Variants in ZSWIM6 observed in about 807,000 individuals in gnomAD.
ZSWIM6 encodes the protein zinc finger SWIM-type containing 6.
In ZSWIM6, 9 loss-of-function variants were observed where a neutral mutation model predicts 113.2. The ratio of observed to expected loss-of-function variants is 0.08; its 90% CI spans 0.05 to 0.14. The LOEUF is 0.14. Ranked by LOEUF, ZSWIM6 falls within the 10% of genes least tolerant of loss-of-function variation. The pLI, the probability that ZSWIM6 is intolerant of heterozygous loss-of-function variation, is 1.00. For synonymous variants in ZSWIM6, 611 were observed against 606.5 expected, an observed-to-expected ratio of 1.01 and a Z score of -0.11; for missense variants, 1,162 against 1,552.2, an observed-to-expected ratio of 0.75 and a Z score of 4.22.
Position 61,531,546 on chromosome 5 carries a change from C to T in ZSWIM6, c.2066C>T (p.Thr689Met), listed in dbSNP as rs191155035. 2.3e-5 allele frequency: 35 copies of T among 1,551,694 alleles called. No homozygotes were observed. The African/African-American group carries it at 2.7e-4, about 12-fold the overall frequency. Residue 689 changes from threonine (T) to methionine (M), a missense_variant, in exon 9 of 14, where the codon ACG (threonine) becomes ATG (methionine). Around this residue, in one of 4 missense-constraint regions of ZSWIM6, gnomAD observed 620 missense variants for 804.6 expected, o/e 0.77. Coordinates refer to ENST00000252744, the MANE Select transcript of ZSWIM6 (RefSeq NM_020928.2). Reference sequence around the variant, plus strand: ...TTAGAAGAAGGGGAATCCTATTTAACGCTGGCTGTGGAAGTAGCCCTGATA... The same window carrying T: ...TTAGAAGAAGGGGAATCCTATTTAATGCTGGCTGTGGAAGTAGCCCTGATA... ...KFLEEGESYL[T>M]LAVEVALIGL...
At chr5:61,481,362 C>T (rs1278272700) in intron 2 of ZSWIM6, among the ~76,000 whole-genome samples, 1 of 151,912 alleles carries the variant, frequency 6.6e-6, no homozygotes, top group Non-Finnish European at 1.5e-5. Context: ...ATACCTCATT[C>T]GGTATGGCGT....
At chr5:61,350,334 C>T (rs1460380919) in intron 1 of ZSWIM6, among the ~76,000 whole-genome samples, 3 of 152,112 alleles carry the variant, frequency 2.0e-5, no homozygotes, top group East Asian at 1.9e-4. Flanking sequence ...TAGAATTGTG[C>T]GCTATGTGCA....
At chr5:61,336,984 A>G (rs1031366139) in intron 1 of ZSWIM6, among the ~76,000 whole-genome samples, 30 of 152,094 alleles carry the variant, frequency 2.0e-4, no homozygotes, top group African/African-American at 7.2e-4. Context: ...ATTCTTACAT[A>G]AAGAGATGCA....
At chr5:61,353,976 CT>C (rs1448622616) in intron 1 of ZSWIM6, among the ~76,000 whole-genome samples, 1 of 152,202 alleles carries the variant, frequency 6.6e-6, no homozygotes, top group Non-Finnish European at 1.5e-5. Flanking sequence ...TAGACATTCT[CT>C]TACTACCGAA....
At chr5:61,527,613 C>T (rs1041222502) in intron 7 of ZSWIM6, among the ~76,000 whole-genome samples, 1 of 152,124 alleles carries the variant, frequency 6.6e-6, no homozygotes, top group Non-Finnish European at 1.5e-5. Context: ...TTGCTAGGTA[C>T]TTTGGAAAAT....
At position 61,391,277 on chromosome 5, in the gene ZSWIM6, C is replaced by T. The variant is rs568433264; in HGVS notation, c.676+58329C>T. 53 of 881,344 alleles carry T rather than the reference C, an allele frequency of 6.0e-5. 1 individual carries two copies. Among genetic ancestry groups the T allele is most frequent in the Middle Eastern group, 6.6e-4 (2 of 3,010 alleles). The allele number at this position is 881,344 out of a possible 1,614,324, so 54.6% of individuals were successfully genotyped here. A position where few individuals can be genotyped will look rare whatever the true frequency, so the allele number is the denominator to read the frequency against. ...ACAGGTACCTGCTGCTCAAGCCTCT[C>T]GTGGGCCCAGTCCAGCTTCTTGGCC... On this transcript the variant is annotated intron_variant, in intron 1 of 13. Coordinates refer to ENST00000252744, the MANE Select transcript of ZSWIM6 (RefSeq NM_020928.2).
At chr5:61,521,184 A>G in intron 4 of ZSWIM6, 79 bp from the exon 5 acceptor site, 1 of 898,802 alleles carries the variant, frequency 1.1e-6, no homozygotes, top group East Asian at 3.7e-5. Flanking sequence ...ATTTTAATAA[A>G]TTTAAACAAT....
chr5:61,526,192 C>T, intron 6 of ZSWIM6, 58 bp from the exon 7 acceptor site: 3 of 1,496,162 alleles, frequency 2.0e-6, no homozygotes, highest in Non-Finnish European at 2.7e-6. Flanking sequence ...CTATTAAATT[C>T]TTTTTTTATG....
At chr5:61,534,200 T>C (rs1214376941) in intron 9 of ZSWIM6, among the ~76,000 whole-genome samples, 1 of 152,178 alleles carries the variant, frequency 6.6e-6, no homozygotes, top group Non-Finnish European at 1.5e-5. Flanking sequence ...ATATGAACTT[T>C]TGAAGAATAT....
chr5:61,432,316 T>C (rs998948691), intron 1 of ZSWIM6, among the ~76,000 whole-genome samples: 1 of 152,202 alleles, frequency 6.6e-6, no homozygotes, highest in Non-Finnish European at 1.5e-5. Context: ...GGATTCAGCT[T>C]GTAAGCCAAG....
At chr5:61,528,197 T>G (rs1749336342) in intron 7 of ZSWIM6, among the ~76,000 whole-genome samples, 1 of 152,202 alleles carries the variant, frequency 6.6e-6, no homozygotes, top group South Asian at 2.1e-4. Flanking sequence ...TGGGCCAAGA[T>G]TAGTAAATGG....
intron 1 of ZSWIM6, among the ~76,000 whole-genome samples, chr5:61,378,762 G>A (rs1745421394): frequency 6.6e-6 from 1 of 152,036 alleles, no homozygotes; most frequent in Non-Finnish European, 1.5e-5. Context: ...TCTCATATTG[G>A]TCAGGCTGGT....
At chr5:61,451,919 T>C (rs1747093498) in intron 1 of ZSWIM6, among the ~76,000 whole-genome samples, 1 of 152,170 alleles carries the variant, frequency 6.6e-6, no homozygotes, top group Non-Finnish European at 1.5e-5. Flanking sequence ...TAGTTACAAA[T>C]ATATATGTAG....
chr5:61,529,548 A>T (rs1409367645), intron 7 of ZSWIM6, among the ~76,000 whole-genome samples: 2 of 152,210 alleles, frequency 1.3e-5, no homozygotes, highest in African/African-American at 4.8e-5. Flanking sequence ...GCTGCCTTCA[A>T]GTCCTCAATT....
chr5:61,411,356 A>G (rs1746145155), intron 1 of ZSWIM6, among the ~76,000 whole-genome samples: 2 of 152,222 alleles, frequency 1.3e-5, no homozygotes, highest in South Asian at 4.1e-4. Context: ...ATGGGAATAC[A>G]GTAAAAATTG....
chr5:61,373,811 C>CT (rs532786603), intron 1 of ZSWIM6, among the ~76,000 whole-genome samples: 16 of 151,804 alleles, frequency 1.1e-4, no homozygotes, highest in Non-Finnish European at 1.8e-4. Flanking sequence ...CAACAGAGAA[C>CT]TTTTTTTTGA....
intron 1 of ZSWIM6, among the ~76,000 whole-genome samples, chr5:61,334,040 C>T (rs1480529655): frequency 2.6e-5 from 4 of 152,218 alleles, no homozygotes; most frequent in Admixed American, 6.5e-5. Context: ...TTTTCTGTCA[C>T]CCTCCGAAAA....
chr5:61,349,234 C>A (rs577945785), intron 1 of ZSWIM6, among the ~76,000 whole-genome samples: 3 of 151,840 alleles, frequency 2.0e-5, no homozygotes, highest in Non-Finnish European at 4.4e-5. Flanking sequence ...AATACAAAGT[C>A]TTTTTTTGGA....
intron 9 of ZSWIM6, among the ~76,000 whole-genome samples, chr5:61,533,757 AAATAGT>A (rs1397946429): frequency 6.6e-6 from 1 of 152,208 alleles, no homozygotes; most frequent in Middle Eastern, 3.2e-3. Context: ...TCCTTAAGTA[AAATAGT>A]TAGTGTGTTA....
Sources: allele counts gnomAD v4.1 joint callset (sites outside exome capture counted in the v4.1 genomes callset), GRCh38; gene constraint gnomAD v4.1.1; regional missense constraint gnomAD v4.1.1; transcripts MANE v1.5; gene names NCBI Gene and HGNC (gene_info 2026-07-23, HGNC 2026-07-21).